CACNB4: variants seen among roughly 807,000 people sequenced by gnomAD.
CACNB4 encodes the protein calcium voltage-gated channel auxiliary subunit beta 4, also known as voltage-dependent L-type calcium channel subunit beta-4.
Under a neutral mutation model 71.2 loss-of-function variants are expected in CACNB4, and 32 were observed. The ratio of observed to expected loss-of-function variants is 0.45; its 90% CI spans 0.34 to 0.60. The LOEUF (loss-of-function observed/expected upper bound fraction) is 0.60. CACNB4 is among the 20% of genes least tolerant of loss of function. The pLI is 0.01. For synonymous variants in CACNB4, 231 were observed against 236.9 expected, an observed-to-expected ratio of 0.97 and a Z score of 0.23; for missense variants, 464 against 647.9, an observed-to-expected ratio of 0.72 and a Z score of 3.08.
chr2:151,990,746 C>CA (rs1177998893), intron 2 of CACNB4, among the ~76,000 whole-genome samples: 2 of 152,144 alleles, frequency 1.3e-5, no homozygotes, highest in Non-Finnish European at 2.9e-5. Context: ...ACTGAGTGAG[C>CA]AAACAGGACA....
chr2:151,872,512 A>T lies in CACNB4; in HGVS notation c.522-19T>A. On this transcript the variant is annotated intron_variant, in intron 5 of 13. Coordinates refer to ENST00000539935, the MANE Select transcript of CACNB4 (RefSeq NM_000726.5). ...TGATTTCCTAGGATATAGAAAAGGAACTAAAGACTCACTCCCCAGATTCTT... is the reference window on the plus strand; with the variant it reads ...TGATTTCCTAGGATATAGAAAAGGATCTAAAGACTCACTCCCCAGATTCTT... The T allele has an allele frequency of 7.3e-7, 1 of 1,360,600 alleles. No individual in the cohort carries two copies. Among genetic ancestry groups the T allele is most frequent in the South Asian group, 1.2e-5 (1 of 83,716 alleles). 84.3% of individuals were successfully genotyped at this position (1,360,600 alleles called of 1,614,324 possible). A position where few individuals can be genotyped will look rare whatever the true frequency, so the allele number is the denominator to read the frequency against.
chr2:151,954,850 C>CTTTTTTTT lies in CACNB4; in HGVS notation c.148-71488_148-71481dup, dbSNP rs34054917. ...CAGCATTTACTGTGACAAGTCAGCA[C>CTTTTTTTT]TTTTTTTTTTTTTTTTTTTTTGAGA... is the stretch of plus-strand genomic sequence containing the variant. On this transcript the variant is annotated intron_variant, in intron 2 of 13. Coordinates refer to ENST00000539935, the MANE Select transcript of CACNB4 (RefSeq NM_000726.5). Among the ~76,000 whole-genome samples the CTTTTTTTT allele has an allele frequency of 4.7e-4, 45 of 94,916 alleles. 3 individuals carry two copies. Among genetic ancestry groups the CTTTTTTTT allele is most frequent in the Non-Finnish European group, 7.1e-4 (37 of 51,960 alleles). 62.3% of individuals were successfully genotyped at this position (94,916 alleles called of 152,430 possible).
At chr2:151,855,904 G>A (rs571099832) in intron 10 of CACNB4, among the ~76,000 whole-genome samples, 1 of 151,914 alleles carries the variant, frequency 6.6e-6, no homozygotes, top group South Asian at 2.1e-4. Context: ...ATTGTTCTGA[G>A]TCTACCCTTA....
chr2:151,953,153 T>C (rs909892807), intron 2 of CACNB4, among the ~76,000 whole-genome samples: 1 of 152,204 alleles, frequency 6.6e-6, no homozygotes, highest in African/African-American at 2.4e-5. Context: ...TCAGTCATCA[T>C]CAGTAGGAAT....
intron 2 of CACNB4, among the ~76,000 whole-genome samples, chr2:152,079,551 C>A (rs1320169484): frequency 6.6e-6 from 1 of 151,930 alleles, no homozygotes; most frequent in African/African-American, 2.4e-5. Flanking sequence ...TTTAAGAGGC[C>A]AAGGCAGCGG....
intron 2 of CACNB4, among the ~76,000 whole-genome samples, chr2:152,045,152 T>C (rs1047722908): frequency 1.3e-5 from 2 of 152,180 alleles, no homozygotes; most frequent in African/African-American, 2.4e-5. Context: ...TGGAGAGGCA[T>C]CATTGGCCAA....
intron 2 of CACNB4, among the ~76,000 whole-genome samples, chr2:152,025,730 C>G (rs1375295143): frequency 6.6e-6 from 1 of 152,142 alleles, no homozygotes; most frequent in Non-Finnish European, 1.5e-5. Context: ...ATTGGACATA[C>G]CGTACTGTGT....
At chr2:151,862,134 C>T (rs1440734688) in intron 9 of CACNB4, among the ~76,000 whole-genome samples, 1 of 152,224 alleles carries the variant, frequency 6.6e-6, no homozygotes, top group South Asian at 2.1e-4. Flanking sequence ...GTTAGTACAC[C>T]CATTCTCTTC....
intron 2 of CACNB4, among the ~76,000 whole-genome samples, chr2:151,935,272 G>A (rs1336823382): frequency 6.6e-6 from 1 of 152,166 alleles, no homozygotes; most frequent in Non-Finnish European, 1.5e-5. Context: ...TTAAATCCTT[G>A]ACTGCTACTT....
At chr2:152,088,412 C>T (rs570258414) in intron 2 of CACNB4, among the ~76,000 whole-genome samples, 1 of 152,246 alleles carries the variant, frequency 6.6e-6, no homozygotes, top group South Asian at 2.1e-4. Flanking sequence ...AAAAATTTTC[C>T]ATAAGGAATT....
In CACNB4 at chr2:152,088,166, CACAT is replaced by C. The variant is rs376734785; in HGVS notation, c.147+10160_147+10163del. Reference sequence around the variant, plus strand: ...ACACACACACACACACACACACACACACATACACACACACACACGGCAAATTAAA... The same window carrying C: ...ACACACACACACACACACACACACACACACACACACACACGGCAAATTAAA... On this transcript the variant is annotated intron_variant, in intron 2 of 13. Coordinates refer to ENST00000539935, the MANE Select transcript of CACNB4 (RefSeq NM_000726.5). Among the ~76,000 whole-genome samples the C allele has an allele frequency of 7.0e-3, 1,046 of 148,916 alleles. 27 individuals are homozygous for C. Among genetic ancestry groups the C allele is most frequent in the South Asian group, 0.055 (257 of 4,676 alleles).
At chr2:152,018,530 C>T (rs946920451) in intron 2 of CACNB4, among the ~76,000 whole-genome samples, 1 of 152,112 alleles carries the variant, frequency 6.6e-6, no homozygotes, top group African/African-American at 2.4e-5. Context: ...AGGTCAAGCA[C>T]AGTGGTTCAT....
chr2:151,990,325 C>T (rs1205757656), intron 2 of CACNB4, among the ~76,000 whole-genome samples: 1 of 152,204 alleles, frequency 6.6e-6, no homozygotes, highest in Non-Finnish European at 1.5e-5. Flanking sequence ...AAAACTATCT[C>T]ACCACCTAAT....
intron 2 of CACNB4, among the ~76,000 whole-genome samples, chr2:151,948,505 A>G (rs1243705355): frequency 6.6e-6 from 1 of 152,090 alleles, no homozygotes; most frequent in African/African-American, 2.4e-5. Context: ...TATAAAAAAT[A>G]TAAAAATTAG....
chr2:151,884,860 G>A (rs998088162), intron 2 of CACNB4, among the ~76,000 whole-genome samples: 10 of 152,132 alleles, frequency 6.6e-5, no homozygotes, highest in African/African-American at 2.4e-4. Flanking sequence ...GAGGACTGGT[G>A]TATTTGATTA....
At chr2:152,076,837 C>G (rs1157064848) in intron 2 of CACNB4, among the ~76,000 whole-genome samples, 3 of 152,176 alleles carry the variant, frequency 2.0e-5, no homozygotes, top group Non-Finnish European at 4.4e-5. Context: ...CAAGGATGTA[C>G]CAGTTCTTTG....
intron 2 of CACNB4, among the ~76,000 whole-genome samples, chr2:152,014,762 T>C (rs1683252212): frequency 6.6e-6 from 1 of 151,964 alleles, no homozygotes; most frequent in Non-Finnish European, 1.5e-5. Flanking sequence ...TTTAAATTAA[T>C]ATGGAAAAAC....
intron 2 of CACNB4, among the ~76,000 whole-genome samples, chr2:152,043,654 G>T (rs1027421110): frequency 2.0e-5 from 3 of 151,976 alleles, no homozygotes; most frequent in Admixed American, 1.3e-4. Flanking sequence ...AAGTGAGAGG[G>T]ACTATGTGCG....
intron 4 of CACNB4, 55 bp from the exon 5 acceptor site, chr2:151,876,611 T>C (rs1287719047): frequency 9.3e-7 from 1 of 1,079,196 alleles, no homozygotes; most frequent in African/African-American, 2.0e-5. Flanking sequence ...CTTCACGTTG[T>C]TTATTAATCT....
Sources: allele counts gnomAD v4.1 joint callset (sites outside exome capture counted in the v4.1 genomes callset), GRCh38; gene constraint gnomAD v4.1.1; transcripts MANE v1.5; gene names NCBI Gene and HGNC (gene_info 2026-07-23, HGNC 2026-07-21).